ADAM12: variants seen among roughly 807,000 people sequenced by gnomAD.
ADAM12 encodes disintegrin and metalloproteinase domain-containing protein 12.
In ADAM12, 70 loss-of-function variants were observed where a neutral mutation model predicts 106.4. That is an observed-to-expected ratio of 0.66 (90% confidence interval 0.54 to 0.80). ADAM12 has a LOEUF of 0.80. ADAM12 is among the 30% of genes least tolerant of loss of function. The pLI, the probability that ADAM12 is intolerant of heterozygous loss-of-function variation, is 0.00. For missense variants in ADAM12, 1,010 were observed against 1,171.9 expected (o/e 0.86, Z 2.02); for synonymous variants, 420 against 433.5 (o/e 0.97, Z 0.39).
At chr10:126,363,667 T>C (rs1427287467) in intron 1 of ADAM12, among the ~76,000 whole-genome samples, 1 of 152,162 alleles carries the variant, frequency 6.6e-6, no homozygotes, top group Non-Finnish European at 1.5e-5. Context: ...GAGAACATGC[T>C]GGGTTAGCCT....
intron 1 of ADAM12, among the ~76,000 whole-genome samples, chr10:126,385,034 C>G (rs1363490490): frequency 1.3e-5 from 2 of 152,150 alleles, no homozygotes; most frequent in South Asian, 4.1e-4. Flanking sequence ...GCTAGGTAAG[C>G]TCACAGAACC....
intron 19 of ADAM12, among the ~76,000 whole-genome samples, 192 bp downstream of exon 19, chr10:126,039,102 G>A (rs934934722): frequency 1.3e-5 from 2 of 151,794 alleles, no homozygotes; most frequent in African/African-American, 4.8e-5. Flanking sequence ...TGGGACTACA[G>A]GCACCCACCA....
rs570135612 is a variant in ADAM12 at position 126,321,350 on chromosome 10, G to A, written c.186+9062C>T. On this transcript the variant is annotated intron_variant, in intron 2 of 22. Transcript: ENST00000448723. ...TTAATGATGATGACAGAAGCTTGTA[G>A]GGGAAGGAAAAGGTACAGAATCTAA... 5.3e-5 allele frequency among the ~76,000 whole-genome samples: 8 copies of A among 152,142 alleles called. No homozygotes were observed. In the South Asian group the frequency reaches 1.7e-3, roughly 32 times the overall value.
chr10:126,039,844 T>C (rs1954128769), intron 18 of ADAM12, among the ~76,000 whole-genome samples: 1 of 152,232 alleles, frequency 6.6e-6, no homozygotes, highest in African/African-American at 2.4e-5. Context: ...TCCAAAGTGC[T>C]TTTCTTTACT....
At chr10:126,086,680 A>AAAAATAT (rs1554966976) in intron 11 of ADAM12, among the ~76,000 whole-genome samples, 2 of 24,272 alleles carry the variant, frequency 8.2e-5, no homozygotes, top group African/African-American at 6.5e-4. Flanking sequence ...AAAAAAAAAA[A>AAAAATAT]ATATATATAT....
At chr10:126,150,614 T>C (rs147039354) in intron 4 of ADAM12, among the ~76,000 whole-genome samples, 114 of 152,256 alleles carry the variant, frequency 7.5e-4, no homozygotes, top group Non-Finnish European at 1.4e-3. Context: ...TCCCAAGGAC[T>C]CTTGACTCTG....
At chr10:126,140,829 C>T (rs184916972) in intron 4 of ADAM12, among the ~76,000 whole-genome samples, 69 of 152,290 alleles carry the variant, frequency 4.5e-4, no homozygotes, top group South Asian at 4.3e-3. Flanking sequence ...CCATGCATCA[C>T]GTGGTTGGTT....
intron 6 of ADAM12, among the ~76,000 whole-genome samples, chr10:126,116,805 G>A (rs941958183): frequency 1.3e-5 from 2 of 152,070 alleles, no homozygotes; most frequent in African/African-American, 4.8e-5. Context: ...CAGTTTTAGG[G>A]GAACAGACAT....
intron 11 of ADAM12, among the ~76,000 whole-genome samples, chr10:126,090,041 T>C (rs1252531605): frequency 6.6e-6 from 1 of 152,180 alleles, no homozygotes. Flanking sequence ...CCTCCTGCCT[T>C]GGCCTCCCAA....
Position 126,364,139 on chromosome 10 carries a change from C to CT in ADAM12, c.88+23918dup, listed in dbSNP as rs374124944. On this transcript the variant is annotated intron_variant, in intron 1 of 22. Transcript: ENST00000448723. ...AGTTAATAAAATTCAGTATCCAATA[C>CT]TTTTTTTTTTAAAAAAATCTATTTG... is the stretch of plus-strand genomic sequence containing the variant. Among the ~76,000 whole-genome samples the CT allele has an allele frequency of 1.7e-4, 26 of 151,056 alleles. No individual in the cohort carries two copies. In the South Asian group the frequency reaches 1.9e-3, roughly 11 times the overall value.
intron 1 of ADAM12, among the ~76,000 whole-genome samples, chr10:126,352,371 C>A (rs1233472118): frequency 6.6e-6 from 1 of 152,186 alleles, no homozygotes; most frequent in East Asian, 1.9e-4. Flanking sequence ...TATTGAAGTA[C>A]AACTTCCTTC....
chr10:126,040,523 C>A (rs909634120), intron 18 of ADAM12, among the ~76,000 whole-genome samples: 7 of 152,112 alleles, frequency 4.6e-5, no homozygotes, highest in African/African-American at 1.7e-4. Context: ...ACTAACAAGG[C>A]CTATCAGGGA....
intron 2 of ADAM12, among the ~76,000 whole-genome samples, chr10:126,309,828 C>A (rs1009606099): frequency 6.6e-6 from 1 of 152,084 alleles, no homozygotes; most frequent in Non-Finnish European, 1.5e-5. Context: ...AATATTAGAA[C>A]TGCAGGTAAA....
At position 126,353,583 on chromosome 10, in the gene ADAM12, T is replaced by C. The variant is rs143694743; in HGVS notation, c.89-23074A>G. ...ACATTAGTTTATCATTTTTTCCATT[T>C]AGTTTGCTGAGTATCTCAACCTGTT... On this transcript the variant is annotated intron_variant, in intron 1 of 22. Transcript: ENST00000448723. Among the ~76,000 whole-genome samples the C allele has an allele frequency of 9.1e-4, 138 of 152,366 alleles. 1 individual carries two copies. The highest frequency in any genetic ancestry group is 3.3e-3 in the African/African-American group (136 of 41,590).
At chr10:126,355,750 T>C (rs1246555910) in intron 1 of ADAM12, among the ~76,000 whole-genome samples, 1 of 152,202 alleles carries the variant, frequency 6.6e-6, no homozygotes, top group East Asian at 1.9e-4. Context: ...GGTAGCGGCA[T>C]GGCGAGACCA....
At chr10:126,301,008 C>T (rs1447353152) in intron 2 of ADAM12, among the ~76,000 whole-genome samples, 3 of 152,118 alleles carry the variant, frequency 2.0e-5, no homozygotes, top group African/African-American at 4.8e-5. Context: ...CAACTTGGGG[C>T]GATTTTGCCC....
chr10:126,152,400 A>T (rs1472633056), intron 4 of ADAM12, among the ~76,000 whole-genome samples: 1 of 151,950 alleles, frequency 6.6e-6, no homozygotes, highest in South Asian at 2.1e-4. Context: ...TTATCACTTT[A>T]TATATTTTGA....
chr10:126,349,961 G>A (rs1844528075), intron 1 of ADAM12, among the ~76,000 whole-genome samples: 1 of 152,102 alleles, frequency 6.6e-6, no homozygotes, highest in African/African-American at 2.4e-5. Context: ...TTGAAATCTA[G>A]ATATTTGTCT....
At chr10:126,372,618 G>A (rs921990465) in intron 1 of ADAM12, among the ~76,000 whole-genome samples, 3 of 152,186 alleles carry the variant, frequency 2.0e-5, no homozygotes, top group Admixed American at 2.0e-4. Context: ...GAGATAAGCT[G>A]AAGAAATCTC....
Sources: allele counts gnomAD v4.1 joint callset (sites outside exome capture counted in the v4.1 genomes callset), GRCh38; gene constraint gnomAD v4.1.1; transcripts MANE v1.5; gene names NCBI Gene and HGNC (gene_info 2026-07-23, HGNC 2026-07-21).